Variants in MRPS5 observed in about 807,000 individuals in gnomAD.
MRPS5 encodes the protein small ribosomal subunit protein uS5m.
A neutral mutation model predicts 51.9 loss-of-function variants in MRPS5; 27 were observed. The observed-to-expected ratio is 0.52, with a 90% CI of 0.38 to 0.72. The LOEUF is 0.72. Ranked by LOEUF, MRPS5 falls within the 30% of genes least tolerant of loss-of-function variation. The pLI is 0.00. For missense variants in MRPS5, 570 were observed against 545.7 expected, an observed-to-expected ratio of 1.04 and a Z score of -0.44; for synonymous variants, 196 against 193.2, an observed-to-expected ratio of 1.01 and a Z score of -0.12.
At chr2:95,104,914 T>C (rs1675906301) in intron 6 of MRPS5, among the ~76,000 whole-genome samples, 184 bp from the exon 7 acceptor site, 1 of 152,214 alleles carries the variant, frequency 6.6e-6, no homozygotes, top group East Asian at 1.9e-4. Context: ...TCCTGGACTG[T>C]TTCAGGGAGA....
intron 1 of MRPS5, 44 bp from the exon 2 acceptor site, chr2:95,117,989 A>G: frequency 6.9e-7 from 1 of 1,449,652 alleles, no homozygotes; most frequent in Non-Finnish European, 9.5e-7. Flanking sequence ...TTTCTACATT[A>G]AAGGAACATT....
chr2:95,105,055 T>C (rs976505119), intron 6 of MRPS5, among the ~76,000 whole-genome samples: 5 of 152,214 alleles, frequency 3.3e-5, no homozygotes, highest in African/African-American at 1.2e-4. Flanking sequence ...AAAAAGTTGC[T>C]GATCAAACTT....
intron 8 of MRPS5, 30 bp from the exon 9 acceptor site, chr2:95,100,924 T>C (rs1573334883): frequency 6.4e-7 from 1 of 1,554,414 alleles, no homozygotes; most frequent in Non-Finnish European, 8.7e-7. Context: ...CTTAACTCTA[T>C]TGTTGAAATT....
At chr2:95,100,765 G>T in intron 9 of MRPS5, 72 bp downstream of exon 9, 2 of 1,168,202 alleles carry the variant, frequency 1.7e-6, no homozygotes, top group Non-Finnish European at 1.2e-6. Flanking sequence ...TACCTATAGA[G>T]ATACATTGTC....
intron 4 of MRPS5, 136 bp downstream of exon 4, chr2:95,109,779 AC>A: frequency 1.0e-6 from 1 of 969,022 alleles, no homozygotes; most frequent in Non-Finnish European, 1.5e-6. Context: ...GAGTAAGTCA[AC>A]TGGTTGAATT....
chr2:95,117,774 A>C (rs949237645), intron 2 of MRPS5, 91 bp downstream of exon 2: 2 of 1,048,856 alleles, frequency 1.9e-6, no homozygotes, highest in African/African-American at 3.3e-5. Flanking sequence ...GAAAAGAAAA[A>C]AGCAGGTGAT....
chr2:95,087,523 T>G lies in MRPS5; in HGVS notation c.1127A>C (p.Glu376Ala). The stretch of plus-strand genomic sequence containing the variant: ...AACCACAATGGGCAGAGGGCCACAT[T>G]CCTCCCGGATTTCCACAACATGGAG... ...KGLHVVEIRE[E>A]CGPLPIVVAS... Residue 376 changes from glutamate (E) to alanine (A), a missense_variant, in exon 12 of 12, where the codon GAA (glutamate) becomes GCA (alanine). By Grantham distance (107) the Glu-to-Ala change is moderately radical (BLOSUM62 -1). Coordinates refer to ENST00000272418, the MANE Select transcript of MRPS5 (RefSeq NM_031902.5). The G allele has an allele frequency of 6.2e-7, 1 of 1,614,114 alleles. No homozygotes were observed. The highest frequency in any genetic ancestry group is 8.5e-7 in the Non-Finnish European group (1 of 1,180,030).
Position 95,104,832 on chromosome 2 carries a change from C to G in MRPS5, c.673-102G>C, listed in dbSNP as rs1036420281. 7.3e-5 allele frequency: 70 copies of G among 961,682 alleles called. No individual in the cohort carries two copies. In the South Asian group the frequency reaches 1.0e-3, roughly 14 times the overall value. 59.6% of individuals were successfully genotyped at this position (961,682 alleles called of 1,614,324 possible). On this transcript the variant is annotated intron_variant, in intron 6 of 11. Transcript: ENST00000272418. ...TGCAGGCATACACGGTGAACAGGCA[C>G]ACACAGAGAACAGGCACACCATCCT... is the stretch of plus-strand genomic sequence containing the variant.
At chr2:95,111,123 G>A (rs1229507241) in intron 3 of MRPS5, among the ~76,000 whole-genome samples, 2 of 152,160 alleles carry the variant, frequency 1.3e-5, no homozygotes, top group South Asian at 2.1e-4. Context: ...GCTGGTCTTC[G>A]TAAGTGAGGC....
At chr2:95,101,034 G>T in intron 8 of MRPS5, 140 bp from the exon 9 acceptor site, 1 of 639,818 alleles carries the variant, frequency 1.6e-6, no homozygotes, top group Non-Finnish European at 2.6e-6. Context: ...TAAAATATAA[G>T]GACTTATTTT....
At chr2:95,095,244 C>A (rs552184701) in intron 10 of MRPS5, among the ~76,000 whole-genome samples, 2 of 152,304 alleles carry the variant, frequency 1.3e-5, no homozygotes, top group South Asian at 4.1e-4. Flanking sequence ...TAGAGACCTA[C>A]AAAGAGACTT....
At chr2:95,089,424 G>A (rs1198582422) in intron 11 of MRPS5, among the ~76,000 whole-genome samples, 1 of 152,134 alleles carries the variant, frequency 6.6e-6, no homozygotes. Flanking sequence ...TGTCTTTTCT[G>A]TTCATCCACC....
At chr2:95,120,902 G>A (rs1421900996) in intron 1 of MRPS5, among the ~76,000 whole-genome samples, 1 of 152,104 alleles carries the variant, frequency 6.6e-6, no homozygotes, top group Non-Finnish European at 1.5e-5. Context: ...GGTGGATCAC[G>A]AGGTCAGGAG....
intron 10 of MRPS5, 57 bp downstream of exon 10, chr2:95,100,417 G>T: frequency 1.6e-6 from 2 of 1,287,894 alleles, no homozygotes; most frequent in South Asian, 1.2e-5. Context: ...GGAGAGGATA[G>T]AACTGTTATA....
At chr2:95,119,612 G>GAA (rs764975441) in intron 1 of MRPS5, among the ~76,000 whole-genome samples, 12 of 110,042 alleles carry the variant, frequency 1.1e-4, no homozygotes, top group African/African-American at 2.1e-4. Flanking sequence ...ACCCTGTCTC[G>GAA]AAAAAAAAAA....
At chr2:95,111,317 G>A (rs941981077) in intron 3 of MRPS5, among the ~76,000 whole-genome samples, 2 of 152,154 alleles carry the variant, frequency 1.3e-5, no homozygotes, top group African/African-American at 4.8e-5. Context: ...GCTAAAAAAT[G>A]GTGGTACCTA....
At chr2:95,099,726 T>TA (rs1436417202) in intron 10 of MRPS5, among the ~76,000 whole-genome samples, 31 of 152,376 alleles carry the variant, frequency 2.0e-4, no homozygotes, top group Admixed American at 1.0e-3. Context: ...AGGCAAGTTC[T>TA]AGTGCATTAA....
chr2:95,118,551 T>C (rs1460105286), intron 1 of MRPS5, among the ~76,000 whole-genome samples: 1 of 152,254 alleles, frequency 6.6e-6, no homozygotes, highest in African/African-American at 2.4e-5. Context: ...TGCAAGGTTC[T>C]CTGTTTGTCT....
intron 4 of MRPS5, 104 bp downstream of exon 4, chr2:95,109,783 GTTGAATTCTAAAACCATAGATCGTAGTGC>G: frequency 9.8e-7 from 1 of 1,018,996 alleles, no homozygotes. Context: ...AAGTCAACTG[GTTGAATTCTAAAACCATAGATCGTAGTGC>G]CCTTCATAAG....
Sources: gnomAD v4.1 joint callset for allele counts (sites outside exome capture counted in the v4.1 genomes callset) on GRCh38, gnomAD v4.1.1 for gene constraint, MANE v1.5 for transcripts, NCBI Gene and HGNC (gene_info 2026-07-23, HGNC 2026-07-21) for gene names.